The following PCDH15 variants were observed in gnomAD, a reference collection of about 807,000 sequenced individuals.
PCDH15 encodes protocadherin-15.
In PCDH15, 129 loss-of-function variants were observed where a neutral mutation model predicts 178.5. The ratio of observed to expected loss-of-function variants is 0.72; its 90% CI spans 0.63 to 0.84. The LOEUF is 0.84. PCDH15 is among the 40% of genes least tolerant of loss of function. The pLI, the probability that PCDH15 is intolerant of heterozygous loss-of-function variation, is 0.00. For missense variants in PCDH15, 2,230 were observed against 2,099.9 expected (o/e 1.06, Z -1.21); for synonymous variants, 800 against 732.0 (o/e 1.09, Z -1.50).
intron 3 of PCDH15, among the ~76,000 whole-genome samples, chr10:54,461,509 ACT>A (rs2077163816): frequency 6.6e-6 from 1 of 152,050 alleles, no homozygotes; most frequent in Non-Finnish European, 1.5e-5. Flanking sequence ...TGGATTTATG[ACT>A]CTGTGCCTAT....
intron 27 of PCDH15, among the ~76,000 whole-genome samples, chr10:53,861,557 G>A (rs557870667): frequency 5.9e-5 from 9 of 151,838 alleles, no homozygotes; most frequent in African/African-American, 1.5e-4. Flanking sequence ...TGTGAGCCAC[G>A]AATACAAATC....
intron 14 of PCDH15, among the ~76,000 whole-genome samples, chr10:54,136,251 C>T (rs892922355): frequency 1.3e-5 from 2 of 152,234 alleles, no homozygotes; most frequent in East Asian, 1.9e-4. Context: ...AGAAACTAGA[C>T]TTTGAAGACC....
At chr10:55,542,396 G>T (rs1334532) in intron 2 of PCDH15, among the ~76,000 whole-genome samples, 112,266 of 150,280 alleles carry the variant, frequency 0.75, 42,810 homozygotes, top group East Asian at 1. Flanking sequence ...TGTGTACATG[G>T]ATACATATGT....
chr10:54,841,469 A>G (rs1953415635), intron 3 of PCDH15, among the ~76,000 whole-genome samples: 1 of 151,774 alleles, frequency 6.6e-6, no homozygotes, highest in Non-Finnish European at 1.5e-5. Flanking sequence ...ATTCCAAATA[A>G]ATACCTAACT....
chr10:55,609,952 T>G (rs1289058773), intron 2 of PCDH15, among the ~76,000 whole-genome samples: 1 of 152,094 alleles, frequency 6.6e-6, no homozygotes, highest in African/African-American at 2.4e-5. Flanking sequence ...CAAACTGTCA[T>G]AATAAGGAGA....
chr10:55,302,245 T>C (rs921489572), intron 1 of PCDH15, among the ~76,000 whole-genome samples: 4 of 152,174 alleles, frequency 2.6e-5, no homozygotes, highest in Non-Finnish European at 4.4e-5. Flanking sequence ...TCTTCATTTA[T>C]TTAGGTTTTT....
chr10:54,341,497 A>C lies in PCDH15; in HGVS notation c.594+4868T>G, dbSNP rs780339928. Among the ~76,000 whole-genome samples, 108 of 152,118 alleles carry C rather than the reference A, an allele frequency of 7.1e-4. 1 individual carries two copies. The highest frequency in any genetic ancestry group is 1.2e-3 in the African/African-American group (49 of 41,422). On this transcript the variant is annotated intron_variant, in intron 6 of 37. Coordinates refer to ENST00000644397, the MANE Select transcript of PCDH15 (RefSeq NM_001384140.1). ...GTCAGTTAAACCTCCTTTCTTTGTAAATTACACACTCTCAGGTAGTATCTT... is the reference window on the plus strand; with the variant it reads ...GTCAGTTAAACCTCCTTTCTTTGTACATTACACACTCTCAGGTAGTATCTT...
At chr10:55,199,641 G>C (rs1840187285) in intron 1 of PCDH15, among the ~76,000 whole-genome samples, 1 of 152,050 alleles carries the variant, frequency 6.6e-6, no homozygotes, top group Admixed American at 6.5e-5. Flanking sequence ...GGGCATTTCA[G>C]GGACCTTTGT....
At chr10:54,457,176 A>G (rs930733671) in intron 3 of PCDH15, among the ~76,000 whole-genome samples, 6 of 152,250 alleles carry the variant, frequency 3.9e-5, no homozygotes, top group African/African-American at 1.4e-4. Context: ...TCAAAGCACA[A>G]TTTTGTATAT....
At chr10:54,463,127 G>A (rs1294250080) in intron 3 of PCDH15, among the ~76,000 whole-genome samples, 3 of 152,084 alleles carry the variant, frequency 2.0e-5, no homozygotes, top group Non-Finnish European at 2.9e-5. Context: ...AGTCATTAGA[G>A]AAGCATATAT....
intron 1 of PCDH15, among the ~76,000 whole-genome samples, chr10:55,184,653 C>T (rs576530168): frequency 9.2e-5 from 14 of 152,024 alleles, no homozygotes; most frequent in African/African-American, 3.1e-4. Context: ...TATATTAAGA[C>T]AGTGCTCTAA....
At chr10:55,228,293 C>T (rs1201032477) in intron 1 of PCDH15, among the ~76,000 whole-genome samples, 3 of 151,698 alleles carry the variant, frequency 2.0e-5, no homozygotes, top group African/African-American at 7.3e-5. Context: ...AAAGTCCATA[C>T]GTCAAGTGTT....
chr10:55,524,121 T>C (rs560799651), intron 2 of PCDH15, among the ~76,000 whole-genome samples: 2 of 151,750 alleles, frequency 1.3e-5, no homozygotes, highest in Non-Finnish European at 3.0e-5. Flanking sequence ...TACTTTCTTA[T>C]TCTTTATTAC....
At chr10:54,242,569 A>G (rs188934225) in intron 8 of PCDH15, among the ~76,000 whole-genome samples, 107 of 152,234 alleles carry the variant, frequency 7.0e-4, no homozygotes, top group African/African-American at 9.9e-4. Context: ...CACTTCACCA[A>G]TGAAAAATAA....
chr10:55,270,830 T>A (rs1276477484), intron 1 of PCDH15, among the ~76,000 whole-genome samples: 1 of 151,568 alleles, frequency 6.6e-6, no homozygotes, highest in Non-Finnish European at 1.5e-5. Context: ...AAAAGACCCA[T>A]GCACTCACAT....
intron 2 of PCDH15, among the ~76,000 whole-genome samples, chr10:55,437,170 A>G (rs1839061089): frequency 6.6e-6 from 1 of 152,038 alleles, no homozygotes; most frequent in Non-Finnish European, 1.5e-5. Context: ...AAATACCATC[A>G]CTCTTATCCA....
chr10:54,206,525 G>T (rs1472714718), intron 10 of PCDH15, among the ~76,000 whole-genome samples: 1 of 151,958 alleles, frequency 6.6e-6, no homozygotes, highest in Non-Finnish European at 1.5e-5. Context: ...CTACACTGAG[G>T]TCTGATCCCA....
intron 13 of PCDH15, among the ~76,000 whole-genome samples, chr10:54,161,478 A>G (rs2045706033): frequency 6.6e-6 from 1 of 152,090 alleles, no homozygotes; most frequent in Non-Finnish European, 1.5e-5. Context: ...AATGTATAGA[A>G]CTAGATTGTG....
chr10:54,599,920 G>A (rs2092444922), intron 2 of PCDH15: 7 of 806,456 alleles, frequency 8.7e-6, no homozygotes, highest in Admixed American at 2.1e-5. Flanking sequence ...GAGTGAGGAA[G>A]TGGCCACTAA....
Sources: gnomAD v4.1 joint callset for allele counts (sites outside exome capture counted in the v4.1 genomes callset) on GRCh38, gnomAD v4.1.1 for gene constraint, MANE v1.5 for transcripts, NCBI Gene and HGNC (gene_info 2026-07-23, HGNC 2026-07-21) for gene names.